Variants in CDH20 observed in about 807,000 individuals in gnomAD.
CDH20 encodes the protein cadherin 20.
In CDH20, 29 loss-of-function variants were observed where a neutral mutation model predicts 74.2. The ratio of observed to expected loss-of-function variants is 0.39; its 90% CI spans 0.29 to 0.53. CDH20 has a LOEUF of 0.53. Among genes scored for constraint, CDH20 ranks in the 20% least tolerant of loss-of-function variants. CDH20 has a pLI of 0.69. For synonymous variants in CDH20, 469 were observed against 405.4 expected (o/e 1.16, Z -1.88); for missense variants, 988 against 1,048.3 (o/e 0.94, Z 0.79).
chr18:61,499,228 A>C lies in CDH20; in HGVS notation c.289A>C (p.Ile97Leu), dbSNP rs1336944030. 1 of 1,608,298 alleles carries C rather than the reference A, an allele frequency of 6.2e-7. No individual in the cohort carries two copies. Among genetic ancestry groups the C allele is most frequent in the Non-Finnish European group, 8.5e-7 (1 of 1,176,190 alleles). Reference protein sequence around the residue: ...MDRGDGSIKYILSGEGAGIVF... With the variant: ...MDRGDGSIKYLLSGEGAGIVF... ...CAGGGGAGACGGATCCATCAAATAC[A>C]TCCTCTCGGGAGAAGGTGCTGGCAT... The change falls in exon 3 of 12, where the codon ATC becomes CTC. Residue 97 changes from isoleucine to leucine, a missense_variant. Around this residue, in one of 2 missense-constraint regions of CDH20, gnomAD observed 613 missense variants for 755.2 expected, o/e 0.81. Transcript: ENST00000262717.
Position 61,527,945 on chromosome 18 carries a change from T to C in CDH20, c.1018-22T>C, listed in dbSNP as rs1912489732. 4.3e-6 allele frequency: 7 copies of C among 1,612,966 alleles called. No homozygotes were observed. In the East Asian group the frequency reaches 1.6e-4, roughly 36 times the overall value. ...ATCTTGAACCTCAGTGGCGAATCAA[T>C]TTTCCTGTCATTGCTTTTCAGCCCC... On this transcript the variant is annotated intron_variant, in intron 6 of 11. Coordinates refer to ENST00000262717, the MANE Select transcript of CDH20 (RefSeq NM_031891.4).
chr18:61,540,491 T>C (rs1222051980), intron 9 of CDH20, among the ~76,000 whole-genome samples: 2 of 152,222 alleles, frequency 1.3e-5, no homozygotes, highest in African/African-American at 2.4e-5. Context: ...ACATCTTACA[T>C]GGCAGCAGGC....
chr18:61,478,180 C>G (rs376080226), intron 1 of CDH20, among the ~76,000 whole-genome samples: 64 of 147,836 alleles, frequency 4.3e-4, no homozygotes, highest in African/African-American at 1.4e-3. Context: ...GCCTGGGCAA[C>G]AGAGCGAGAC....
intron 1 of CDH20, among the ~76,000 whole-genome samples, chr18:61,402,985 A>G (rs1912207032): frequency 6.6e-6 from 1 of 152,170 alleles, no homozygotes; most frequent in African/African-American, 2.4e-5. Flanking sequence ...TCAATCCTTT[A>G]TTTTTACCCT....
chr18:61,466,086 C>CTATA lies in CDH20; in HGVS notation c.-152-24301_-152-24298dup, dbSNP rs35791225. On this transcript the variant is annotated intron_variant, in intron 1 of 11. Transcript: ENST00000262717. ...TAAATATATATATTTTCTCATTAAG[C>CTATA]TATATATATATATATATAGCTATTT... 4.6e-3 allele frequency among the ~76,000 whole-genome samples: 650 copies of CTATA among 142,292 alleles called. 6 individuals carry two copies. Among genetic ancestry groups the CTATA allele is most frequent in the African/African-American group, 0.012 (467 of 37,594 alleles). 93.3% of individuals were successfully genotyped at this position (142,292 alleles called of 152,430 possible).
chr18:61,376,582 G>A (rs1238902736), intron 1 of CDH20, among the ~76,000 whole-genome samples: 1 of 151,784 alleles, frequency 6.6e-6, no homozygotes, highest in Non-Finnish European at 1.5e-5. Context: ...CACATACAAT[G>A]TATATGTGAG....
chr18:61,383,400 G>GT (rs1911497784), intron 1 of CDH20, among the ~76,000 whole-genome samples: 1 of 151,906 alleles, frequency 6.6e-6, no homozygotes, highest in East Asian at 1.9e-4. Flanking sequence ...GGCCAACATG[G>GT]TAAAAACCCG....
At chr18:61,495,759 G>A (rs555039324) in intron 2 of CDH20, among the ~76,000 whole-genome samples, 1 of 152,272 alleles carries the variant, frequency 6.6e-6, no homozygotes, top group East Asian at 1.9e-4. Context: ...TCCTGGAGCT[G>A]CGCTCTCTCT....
Position 61,499,310 on chromosome 18 carries a change from G to A in CDH20, c.371G>A (p.Arg124Gln), listed in dbSNP as rs1247042656. The stretch of plus-strand genomic sequence containing the variant: ...ATCCACGCCATTCAGAGGCTCGACC[G>A]AGAGGAAAGAGCCCAGTATACTCTA... ...GDIHAIQRLD[R>Q]EERAQYTLRA... Residue 124 changes from arginine (R) to glutamine (Q), a missense_variant, in exon 3 of 12, where the codon CGA (arginine) becomes CAA (glutamine). Physicochemically the swap from Arg to Gln is conservative, Grantham distance 43. This residue lies in a region of CDH20 where 613 missense variants were observed against 755.2 expected (regional missense o/e 0.81). Coordinates refer to ENST00000262717, the MANE Select transcript of CDH20 (RefSeq NM_031891.4). 6.2e-6 allele frequency: 10 copies of A among 1,613,812 alleles called. No individual in the cohort carries two copies. The highest frequency in any genetic ancestry group is 1.3e-5 in the African/African-American group (1 of 74,884).
chr18:61,554,350 G>A lies in CDH20; in HGVS notation c.2061G>A (p.Arg687=), dbSNP rs779782338. The A allele has an allele frequency of 5.5e-5, 88 of 1,613,398 alleles. 2 individuals carry two copies. The highest frequency in any genetic ancestry group is 3.3e-4 in the Middle Eastern group (2 of 6,060). Residue 687 remains arginine (R), a synonymous_variant, in exon 12 of 12, where the codon CGG becomes CGA. Transcript: ENST00000262717. ...ACATCGCGGCCATGTGGAACCCCCG[G>A]GAGGCGCAGGCGGGGGCCGCCCCCA... is the stretch of plus-strand genomic sequence containing the variant. ...AFDIAAMWNP[R]EAQAGAAPKT...
chr18:61,412,385 A>T (rs1912542833), intron 1 of CDH20, among the ~76,000 whole-genome samples: 1 of 152,186 alleles, frequency 6.6e-6, no homozygotes, highest in Non-Finnish European at 1.5e-5. Flanking sequence ...TGAGGGTGTA[A>T]ATTGGTACAA....
intron 4 of CDH20, among the ~76,000 whole-genome samples, chr18:61,500,824 A>T (rs1911352682): frequency 6.6e-6 from 1 of 152,208 alleles, no homozygotes; most frequent in Non-Finnish European, 1.5e-5. Context: ...TTATAACCCC[A>T]TGAAGACCCA....
At chr18:61,471,751 A>C (rs1220527490) in intron 1 of CDH20, among the ~76,000 whole-genome samples, 1 of 152,216 alleles carries the variant, frequency 6.6e-6, no homozygotes, top group African/African-American at 2.4e-5. Flanking sequence ...TTATAGCCTC[A>C]GGCAAACTCA....
At chr18:61,454,734 ATATATAG>A (rs774653145) in intron 1 of CDH20, among the ~76,000 whole-genome samples, 9 of 149,222 alleles carry the variant, frequency 6.0e-5, no homozygotes, top group Non-Finnish European at 1.3e-4. Flanking sequence ...CAATCATCTT[ATATATAG>A]TTCAAGTAGA....
At chr18:61,447,156 A>G (rs748567164) in intron 1 of CDH20, among the ~76,000 whole-genome samples, 12 of 152,224 alleles carry the variant, frequency 7.9e-5, no homozygotes, top group Non-Finnish European at 1.8e-4. Flanking sequence ...TTACACTGAG[A>G]GAGAAACACG....
chr18:61,507,619 C>A, intron 6 of CDH20, 59 bp downstream of exon 6: 6 of 1,244,256 alleles, frequency 4.8e-6, no homozygotes, highest in Non-Finnish European at 5.7e-6. Flanking sequence ...TTATGAAATG[C>A]TAGTAAGGAC....
At chr18:61,440,472 C>A (rs115613579) in intron 1 of CDH20, among the ~76,000 whole-genome samples, 214 of 152,266 alleles carry the variant, frequency 1.4e-3, no homozygotes, top group African/African-American at 5.0e-3. Flanking sequence ...TAATACACTC[C>A]TTCTGTGTCA....
intron 1 of CDH20, among the ~76,000 whole-genome samples, chr18:61,393,971 TCC>T (rs1237935673): frequency 6.6e-6 from 1 of 152,084 alleles, no homozygotes; most frequent in Non-Finnish European, 1.5e-5. Flanking sequence ...AGCCCCACTC[TCC>T]TTCTCATTAA....
chr18:61,404,906 A>G, intron 1 of CDH20: 1 of 684,200 alleles, frequency 1.5e-6, no homozygotes. Flanking sequence ...TGTCAGAATC[A>G]CCTGGATCAA....
Sources: gnomAD v4.1 joint callset for allele counts (sites outside exome capture counted in the v4.1 genomes callset) on GRCh38, gnomAD v4.1.1 for gene constraint, gnomAD v4.1.1 regional missense constraint, MANE v1.5 for transcripts, NCBI Gene and HGNC (gene_info 2026-07-23, HGNC 2026-07-21) for gene names.